Variants in EPHA4 observed in about 807,000 individuals in gnomAD.
The protein encoded by EPHA4 is EPH receptor A4, also known as ephrin type-A receptor 4.
EPHA4 carries 19 observed loss-of-function variants against 108.3 expected under a neutral mutation model. The ratio of observed to expected loss-of-function variants is 0.18; its 90% CI spans 0.12 to 0.26. The LOEUF is 0.26. Ranked by LOEUF, EPHA4 falls within the 10% of genes least tolerant of loss-of-function variation. The pLI, the probability that EPHA4 is intolerant of heterozygous loss-of-function variation, is 1.00. For missense variants in EPHA4, 917 were observed against 1,254.0 expected, an observed-to-expected ratio of 0.73 and a Z score of 4.06; for synonymous variants, 449 against 455.5, an observed-to-expected ratio of 0.99 and a Z score of 0.18.
rs1213244882 is a variant in EPHA4 at position 221,418,897 on chromosome 2, C to T, written c.*2475G>A. ...TTTTTCAGGCATCAATGCATAGGCA[C>T]ATCCCTTAAAAAATATATTAAGGTC... is the stretch of plus-strand genomic sequence containing the variant. On this transcript the variant is annotated 3_prime_UTR_variant, in exon 18 of 18. Transcript: ENST00000281821. The T allele has an allele frequency of 6.6e-6, 1 of 152,628 alleles. No individual in the cohort carries two copies. The highest frequency in any genetic ancestry group is 1.5e-5 in the Non-Finnish European group (1 of 68,050). 9.5% of individuals were successfully genotyped at this position (152,628 alleles called of 1,614,324 possible).
rs968011651 is a variant in EPHA4 at position 221,531,352 on chromosome 2, A to G, written c.824-30180T>C. The stretch of plus-strand genomic sequence containing the variant: ...GCATTAGGACTTGCTTCTGCTTGCA[A>G]AAGCCACGCGTACTTTTTGAGCTTA... On this transcript the variant is annotated intron_variant, in intron 3 of 17. Transcript: ENST00000281821. Among the ~76,000 whole-genome samples the G allele has an allele frequency of 2.0e-5, 3 of 152,104 alleles. No individual in the cohort carries two copies. The South Asian group carries it at 6.2e-4, about 32-fold the overall frequency.
chr2:221,550,172 A>T (rs1472651802), intron 3 of EPHA4, among the ~76,000 whole-genome samples: 1 of 152,202 alleles, frequency 6.6e-6, no homozygotes, highest in Non-Finnish European at 1.5e-5. Flanking sequence ...AAGCAACTGA[A>T]CAAGGTCTGA....
In EPHA4 at chr2:221,419,716, TTAAGG is replaced by T. The variant is rs1369021918; in HGVS notation, c.*1651_*1655del. On this transcript the variant is annotated 3_prime_UTR_variant, in exon 18 of 18. Transcript: ENST00000281821. ...TCTGTCCAAAGCTGTAGAATTCTTA[TTAAGG>T]TTAGTGTGACAGCTACAAAATACAC... 6.6e-6 allele frequency: 1 copy of T among 152,534 alleles called. No homozygotes were observed. Among genetic ancestry groups the T allele is most frequent in the Non-Finnish European group, 1.5e-5 (1 of 68,046 alleles). 9.4% of individuals were successfully genotyped at this position (152,534 alleles called of 1,614,324 possible). A position where few individuals can be genotyped will look rare whatever the true frequency, so the allele number is the denominator to read the frequency against.
At chr2:221,525,908 A>T (rs1400967137) in intron 3 of EPHA4, among the ~76,000 whole-genome samples, 1 of 152,216 alleles carries the variant, frequency 6.6e-6, no homozygotes, top group Admixed American at 6.5e-5. Context: ...ACTCTCTATT[A>T]GATACTGTGT....
intron 2 of EPHA4, among the ~76,000 whole-genome samples, chr2:221,566,969 G>GGAAGAAGAAGAAGAA (rs71050343): frequency 0.078 from 2,150 of 27,652 alleles, 730 homozygotes; most frequent in East Asian, 0.16. Flanking sequence ...AAGAGGAAGA[G>GGAAGAAGAAGAAGAA]GAAGAAGAAG....
At chr2:221,470,037 C>T (rs1691431675) in intron 5 of EPHA4, among the ~76,000 whole-genome samples, 2 of 152,114 alleles carry the variant, frequency 1.3e-5, no homozygotes, top group African/African-American at 4.8e-5. Context: ...ATTTCTTTCT[C>T]TTGTTGCACT....
At chr2:221,562,309 T>C (rs190706682) in intron 3 of EPHA4, among the ~76,000 whole-genome samples, 43 of 152,220 alleles carry the variant, frequency 2.8e-4, no homozygotes, top group Non-Finnish European at 5.1e-4. Context: ...TAGTTACTCC[T>C]AGAAATAACT....
intron 3 of EPHA4, among the ~76,000 whole-genome samples, chr2:221,502,367 A>C (rs143132533): frequency 6.6e-6 from 1 of 152,114 alleles, no homozygotes; most frequent in African/African-American, 2.4e-5. Flanking sequence ...GTAACCCACA[A>C]TCTTTCCAGC....
chr2:221,561,424 G>GA (rs879923524), intron 3 of EPHA4, among the ~76,000 whole-genome samples: 5 of 151,300 alleles, frequency 3.3e-5, no homozygotes, highest in African/African-American at 4.9e-5. Context: ...TTTATTAGCA[G>GA]AAAAAAAAGC....
chr2:221,435,931 C>G (rs1486981128), intron 13 of EPHA4, among the ~76,000 whole-genome samples: 1 of 97,520 alleles, frequency 1.0e-5, no homozygotes, highest in Non-Finnish European at 2.1e-5. Flanking sequence ...AAACCTAAAA[C>G]AACAACAAAA....
intron 4 of EPHA4, among the ~76,000 whole-genome samples, chr2:221,498,558 A>G (rs1692373571): frequency 6.6e-6 from 1 of 152,144 alleles, no homozygotes; most frequent in South Asian, 2.1e-4. Context: ...TAGTCTATGG[A>G]GGAACAGGAA....
chr2:221,514,245 T>A (rs1449482996), intron 3 of EPHA4, among the ~76,000 whole-genome samples: 6 of 152,168 alleles, frequency 3.9e-5, no homozygotes. Flanking sequence ...CTTGGCAGTT[T>A]GTCCAGCCTT....
chr2:221,520,341 T>A (rs1693121928), intron 3 of EPHA4, among the ~76,000 whole-genome samples: 1 of 152,196 alleles, frequency 6.6e-6, no homozygotes. Flanking sequence ...GCCAGTACCT[T>A]TTCTATCAAG....
At position 221,566,549 on chromosome 2, in the gene EPHA4, A is replaced by C. The variant is rs937947858; in HGVS notation, c.160-2155T>G. ...AATGGCTACTGTGTATTTTGGAATGACTAATTCTTTTATATACAAATAAAA... is the reference window on the plus strand; with the variant it reads ...AATGGCTACTGTGTATTTTGGAATGCCTAATTCTTTTATATACAAATAAAA... On this transcript the variant is annotated intron_variant, in intron 2 of 17. Transcript: ENST00000281821. Among the ~76,000 whole-genome samples the C allele has an allele frequency of 3.9e-5, 6 of 152,068 alleles. 1 individual carries two copies. Among genetic ancestry groups the C allele is most frequent in the Admixed American group, 3.9e-4 (6 of 15,264 alleles).
At chr2:221,566,872 A>AAGAAGG (rs1156604295) in intron 2 of EPHA4, among the ~76,000 whole-genome samples, 1,207 of 41,236 alleles carry the variant, frequency 0.029, 57 homozygotes, top group East Asian at 0.041. Context: ...GAAGAAGAAG[A>AAGAAGG]AGAAGGAGAA....
chr2:221,523,904 G>T (rs941262971), intron 3 of EPHA4, among the ~76,000 whole-genome samples: 1 of 152,134 alleles, frequency 6.6e-6, no homozygotes, highest in Non-Finnish European at 1.5e-5. Flanking sequence ...AATATTTTTT[G>T]AGCACCTGGT....
intron 4 of EPHA4, among the ~76,000 whole-genome samples, chr2:221,495,514 G>T (rs965022164): frequency 6.6e-6 from 1 of 152,142 alleles, no homozygotes; most frequent in African/African-American, 2.4e-5. Flanking sequence ...TGTTTAAAAA[G>T]CTCTGTTCTA....
chr2:221,505,265 CAAT>C (rs1454394690), intron 3 of EPHA4, among the ~76,000 whole-genome samples: 1 of 152,046 alleles, frequency 6.6e-6, no homozygotes, highest in Non-Finnish European at 1.5e-5. Context: ...ATGTTGAAAG[CAAT>C]AATGTTTTGA....
chr2:221,427,905 ATCAG>A (rs1689960400), intron 15 of EPHA4, among the ~76,000 whole-genome samples: 1 of 152,174 alleles, frequency 6.6e-6, no homozygotes, highest in Non-Finnish European at 1.5e-5. Flanking sequence ...GATTTGTTTT[ATCAG>A]TCAGTTTTGT....
Sources: gnomAD v4.1 joint callset for allele counts (sites outside exome capture counted in the v4.1 genomes callset) on GRCh38, gnomAD v4.1.1 for gene constraint, MANE v1.5 for transcripts, NCBI Gene and HGNC (gene_info 2026-07-23, HGNC 2026-07-21) for gene names.